The following GALNT17 variants were observed in gnomAD, a reference collection of about 807,000 sequenced individuals.
The protein encoded by GALNT17 is UDP-GalNAc:polypeptide N-acetylgalactosaminyltransferase-like 3.
A neutral mutation model predicts 63.7 loss-of-function variants in GALNT17; 29 were observed. That is an observed-to-expected ratio of 0.46 (90% CI 0.34 to 0.62). The LOEUF (loss-of-function observed/expected upper bound fraction) is 0.62. Ranked by LOEUF, GALNT17 falls within the 20% of genes least tolerant of loss-of-function variation. The pLI, the probability that GALNT17 is intolerant of heterozygous loss-of-function variation, is 0.01. For missense variants in GALNT17, 603 were observed against 799.6 expected, an observed-to-expected ratio of 0.75 and a Z score of 2.97; for synonymous variants, 305 against 318.3, an observed-to-expected ratio of 0.96 and a Z score of 0.45.
chr7:71,140,710 AC>A (rs1413801061), intron 1 of GALNT17, among the ~76,000 whole-genome samples: 1 of 152,164 alleles, frequency 6.6e-6, no homozygotes, highest in Admixed American at 6.6e-5. Flanking sequence ...CGATTAGATG[AC>A]CTGCGAGTCT....
intron 6 of GALNT17, among the ~76,000 whole-genome samples, chr7:71,574,846 TA>T (rs1789509575): frequency 6.6e-6 from 1 of 152,244 alleles, no homozygotes; most frequent in Non-Finnish European, 1.5e-5. Context: ...CCCCTAGGTT[TA>T]GCCGACTTCC....
chr7:71,629,267 A>G (rs1790422093), intron 6 of GALNT17, among the ~76,000 whole-genome samples: 1 of 152,130 alleles, frequency 6.6e-6, no homozygotes, highest in South Asian at 2.1e-4. Flanking sequence ...AAGCTGCTCC[A>G]GCCAGGAGCC....
intron 1 of GALNT17, among the ~76,000 whole-genome samples, chr7:71,201,564 C>T (rs1428359912): frequency 6.7e-6 from 1 of 148,914 alleles, no homozygotes; most frequent in African/African-American, 2.5e-5. Flanking sequence ...TTGTTTTTCT[C>T]CATTTTTTTT....
chr7:71,203,899 G>C (rs1789221247), intron 1 of GALNT17, among the ~76,000 whole-genome samples: 1 of 152,110 alleles, frequency 6.6e-6, no homozygotes, highest in Non-Finnish European at 1.5e-5. Context: ...TGTTTACTTT[G>C]CTGTACAGAA....
intron 1 of GALNT17, among the ~76,000 whole-genome samples, chr7:71,269,547 A>G (rs2115685595): frequency 6.6e-6 from 1 of 152,174 alleles, no homozygotes; most frequent in Non-Finnish European, 1.5e-5. Context: ...GAGGCAGTAG[A>G]AGGAGTAGGG....
chr7:71,517,496 T>G (rs1216313614), intron 5 of GALNT17, among the ~76,000 whole-genome samples: 1 of 152,196 alleles, frequency 6.6e-6, no homozygotes, highest in Non-Finnish European at 1.5e-5. Flanking sequence ...CCACCTTACC[T>G]TGATTTTACT....
intron 5 of GALNT17, among the ~76,000 whole-genome samples, chr7:71,527,818 C>T: frequency 6.6e-6 from 1 of 152,042 alleles, no homozygotes; most frequent in Non-Finnish European, 1.5e-5. Flanking sequence ...ACACACCATA[C>T]ACACACAGTA....
chr7:71,438,972 C>A (rs1787017535), intron 5 of GALNT17, among the ~76,000 whole-genome samples: 1 of 151,336 alleles, frequency 6.6e-6, no homozygotes, highest in Admixed American at 6.6e-5. Context: ...GTAGCCTTGA[C>A]CTCCCAGGCT....
At chr7:71,268,018 A>T (rs138113340) in intron 1 of GALNT17, among the ~76,000 whole-genome samples, 4 of 152,300 alleles carry the variant, frequency 2.6e-5, no homozygotes, top group African/African-American at 7.2e-5. Context: ...AGCTGAGAGC[A>T]ATAGGGGCGT....
At chr7:71,583,672 AG>A (rs761124627) in intron 6 of GALNT17, among the ~76,000 whole-genome samples, 4 of 152,150 alleles carry the variant, frequency 2.6e-5, no homozygotes, top group Non-Finnish European at 4.4e-5. Context: ...CTTAAAGAAG[AG>A]TAACAGGCTG....
At chr7:71,613,069 C>G (rs533159465) in intron 6 of GALNT17, among the ~76,000 whole-genome samples, 5 of 152,118 alleles carry the variant, frequency 3.3e-5, no homozygotes, top group Non-Finnish European at 7.4e-5. Flanking sequence ...TGAATCCAAG[C>G]CAACACTGGT....
At chr7:71,202,992 G>GCA (rs144239987) in intron 1 of GALNT17, among the ~76,000 whole-genome samples, 290 of 151,124 alleles carry the variant, frequency 1.9e-3, no homozygotes, top group Admixed American at 5.0e-3. Flanking sequence ...ATACACACGT[G>GCA]CACACACACA....
chr7:71,572,913 C>G (rs1490956687), intron 6 of GALNT17, among the ~76,000 whole-genome samples: 1 of 152,196 alleles, frequency 6.6e-6, no homozygotes, highest in East Asian at 1.9e-4. Context: ...CCCAGCAGCA[C>G]AGTCCTGTCC....
At chr7:71,423,072 G>A (rs556751269) in intron 5 of GALNT17, among the ~76,000 whole-genome samples, 8 of 152,130 alleles carry the variant, frequency 5.3e-5, no homozygotes, top group Non-Finnish European at 1.2e-4. Flanking sequence ...TCCTCTCAAC[G>A]TCCAGCCGCT....
In GALNT17 at chr7:71,250,684, G is replaced by A. The variant is rs376781861; in HGVS notation, c.239-84866G>A. Among the ~76,000 whole-genome samples, 8 of 152,304 alleles carry A rather than the reference G, an allele frequency of 5.3e-5. No individual in the cohort carries two copies. In the East Asian group the frequency reaches 7.7e-4, roughly 15 times the overall value. ...TAGTTCAGAATATAAATTTACCGTAGTGACAAAAACTGCAATTACTTTTGC... is the reference window on the plus strand; with the variant it reads ...TAGTTCAGAATATAAATTTACCGTAATGACAAAAACTGCAATTACTTTTGC... On this transcript the variant is annotated intron_variant, in intron 1 of 10. Transcript: ENST00000333538.
intron 5 of GALNT17, among the ~76,000 whole-genome samples, chr7:71,537,623 C>A (rs746526502): frequency 4.6e-5 from 7 of 152,018 alleles, no homozygotes; most frequent in Non-Finnish European, 7.4e-5. Context: ...ACCAGCCTGA[C>A]CAACATGGCG....
Position 71,712,106 on chromosome 7 carries a change from G to C in GALNT17, c.1757G>C (p.Cys586Ser). The C allele has an allele frequency of 1.9e-6, 3 of 1,613,988 alleles. No homozygotes were observed. The highest frequency in any genetic ancestry group is 2.5e-6 in the Non-Finnish European group (3 of 1,179,948). ...LAGIDLILRS[C>S]TGQRWTIKNS... ...GGCATCGACCTCATCCTCCGCAGCTGCACAGGTCAGAGGTGGACCATTAAG... is the reference window on the plus strand; with the variant it reads ...GGCATCGACCTCATCCTCCGCAGCTCCACAGGTCAGAGGTGGACCATTAAG... The change falls in exon 11 of 11, where the codon TGC (cysteine) becomes TCC (serine). Residue 586 changes from cysteine to serine, a missense_variant. This residue lies in a region of GALNT17 where 72 missense variants were observed against 76.9 expected (regional missense o/e 0.94). Coordinates refer to ENST00000333538, the MANE Select transcript of GALNT17 (RefSeq NM_022479.3).
intron 3 of GALNT17, among the ~76,000 whole-genome samples, chr7:71,397,202 T>C (rs1207420387): frequency 6.6e-6 from 1 of 152,190 alleles, no homozygotes; most frequent in African/African-American, 2.4e-5. Context: ...CATTCACCCA[T>C]ATACCTTCCT....
At chr7:71,445,493 G>A (rs1415470349) in intron 5 of GALNT17, among the ~76,000 whole-genome samples, 2 of 146,692 alleles carry the variant, frequency 1.4e-5, no homozygotes, top group Admixed American at 6.8e-5. Flanking sequence ...CACTGCGCCC[G>A]GCCAGGGTGG....
Sources: gnomAD v4.1 joint callset for allele counts (sites outside exome capture counted in the v4.1 genomes callset) on GRCh38, gnomAD v4.1.1 for gene constraint, gnomAD v4.1.1 regional missense constraint, MANE v1.5 for transcripts, NCBI Gene and HGNC (gene_info 2026-07-23, HGNC 2026-07-21) for gene names.